The following GCSAML variants were observed in gnomAD, a reference collection of about 807,000 sequenced individuals.
The protein encoded by GCSAML is germinal center associated signaling and motility like, also known as germinal center-associated signaling and motility-like protein.
Under a neutral mutation model 13.0 loss-of-function variants are expected in GCSAML, and 9 were observed. That is an observed-to-expected ratio of 0.69 (90% CI 0.42 to 1.21). The LOEUF (loss-of-function observed/expected upper bound fraction) is 1.21. Among genes scored for constraint, GCSAML ranks in the 50% most tolerant of loss-of-function variants. The pLI is 0.00. For missense variants in GCSAML, 143 were observed against 153.4 expected (o/e 0.93, Z 0.36); for synonymous variants, 37 against 52.9 (o/e 0.70, Z 1.31).
At chr1:247,571,458 A>T (rs1284265445) in intron 4 of GCSAML, among the ~76,000 whole-genome samples, 1 of 152,136 alleles carries the variant, frequency 6.6e-6, no homozygotes, top group East Asian at 1.9e-4. Flanking sequence ...TTCACTTATG[A>T]AGCTTAGTTT....
chr1:247,565,272 C>T (rs1477625666), intron 3 of GCSAML, among the ~76,000 whole-genome samples: 2 of 151,802 alleles, frequency 1.3e-5, no homozygotes, highest in African/African-American at 2.4e-5. Flanking sequence ...GCAGGAGAAT[C>T]GCTTGAACCC....
chr1:247,544,788 G>T (rs2103026782), upstream of GCSAML, among the ~76,000 whole-genome samples: 1 of 152,326 alleles, frequency 6.6e-6, no homozygotes, highest in African/African-American at 2.4e-5. Flanking sequence ...CTGGGAGGTT[G>T]AAGCTGCAGT....
At chr1:247,546,650 C>A (rs944579442), upstream of GCSAML, among the ~76,000 whole-genome samples, 1 of 152,040 alleles carries the variant, frequency 6.6e-6, no homozygotes, top group African/African-American at 2.4e-5. Flanking sequence ...TGTGAGCCAC[C>A]GCGCCCGGCT....
intron 2 of GCSAML, chr1:247,531,406 G>T: frequency 2.6e-6 from 2 of 759,208 alleles, no homozygotes; most frequent in East Asian, 2.5e-5. Context: ...TCTGGAAATG[G>T]CATGAGCACA....
intron 2 of GCSAML, chr1:247,532,059 C>G (rs765308778): frequency 7.4e-6 from 12 of 1,614,058 alleles, no homozygotes; most frequent in South Asian, 2.2e-5. Context: ...TCAGACCCCC[C>G]AGCCAGGAGG....
intron 2 of GCSAML, among the ~76,000 whole-genome samples, chr1:247,562,262 A>C (rs1668157991): frequency 6.6e-6 from 1 of 152,150 alleles, no homozygotes; most frequent in Admixed American, 6.5e-5. Flanking sequence ...GCTCCTGGGC[A>C]TGACTTTCTC....
chr1:247,555,588 T>C (rs371855894), intron 1 of GCSAML, among the ~76,000 whole-genome samples: 1 of 152,176 alleles, frequency 6.6e-6, no homozygotes, highest in East Asian at 1.9e-4. Flanking sequence ...TCAGCGTTGG[T>C]TCGAAATGCT....
intron 2 of GCSAML, among the ~76,000 whole-genome samples, chr1:247,559,033 C>T (rs1219659511): frequency 6.6e-6 from 1 of 152,098 alleles, no homozygotes; most frequent in Non-Finnish European, 1.5e-5. Flanking sequence ...GCAAAATAGC[C>T]TTAAAATACT....
intron 1 of GCSAML, among the ~76,000 whole-genome samples, chr1:247,515,686 A>G (rs552309961): frequency 6.6e-6 from 1 of 152,306 alleles, no homozygotes; most frequent in Admixed American, 6.5e-5. Context: ...ACCATGGTGG[A>G]GCAGGAGCCT....
At chr1:247,561,911 G>A (rs867592461) in intron 2 of GCSAML, among the ~76,000 whole-genome samples, 3 of 152,106 alleles carry the variant, frequency 2.0e-5, no homozygotes, top group Non-Finnish European at 2.9e-5. Flanking sequence ...ACATCCACAC[G>A]GAGGGTTGCA....
Position 247,549,174 on chromosome 1 carries a change from C to G in GCSAML, c.-18C>G, listed in dbSNP as rs1333383904. 6.2e-7 allele frequency: 1 copy of G among 1,614,008 alleles called. No homozygotes were observed. The highest frequency in any genetic ancestry group is 8.5e-7 in the Non-Finnish European group (1 of 1,180,006). ...GGAGTGAAACTCAGGAGCTGAGAAA[C>G]CGAGTCACTGTGAAAAGATGGGAAA... is the stretch of plus-strand genomic sequence containing the variant. On this transcript the variant is annotated 5_prime_UTR_variant, in exon 1 of 5. Coordinates refer to ENST00000366488, the MANE Select transcript of GCSAML (RefSeq NM_145278.5).
chr1:247,549,075 C>G (rs771423966), upstream of GCSAML: 3 of 1,606,524 alleles, frequency 1.9e-6, 1 homozygote, highest in South Asian at 2.2e-5. Flanking sequence ...GGCAAGAGCA[C>G]GAACCCGTGG....
At chr1:247,563,406 A>G (rs1032920986) in intron 2 of GCSAML, among the ~76,000 whole-genome samples, 184 bp from the exon 3 acceptor site, 2 of 152,060 alleles carry the variant, frequency 1.3e-5, no homozygotes, top group Non-Finnish European at 2.9e-5. Flanking sequence ...TCCACTTTTC[A>G]TTGTCTAGAT....
upstream of GCSAML, among the ~76,000 whole-genome samples, chr1:247,547,579 T>C (rs1667624760): frequency 6.6e-6 from 1 of 152,228 alleles, no homozygotes; most frequent in African/African-American, 2.4e-5. Context: ...CTCTCAAATT[T>C]TAGTAGGGAA....
chr1:247,519,092 CAAA>C (rs1024419563), intron 1 of GCSAML: 1 of 152,290 alleles, frequency 6.6e-6, no homozygotes, highest in East Asian at 1.9e-4. Flanking sequence ...AACAAACAAA[CAAA>C]AAGCGGCAGG....
intron 4 of GCSAML, among the ~76,000 whole-genome samples, chr1:247,567,191 G>T (rs149685951): frequency 1.3e-5 from 2 of 151,184 alleles, no homozygotes; most frequent in Non-Finnish European, 2.9e-5. Flanking sequence ...TTAAGTTCTG[G>T]GATACATGTG....
chr1:247,541,120 G>T (rs888574998), intron 2 of GCSAML, among the ~76,000 whole-genome samples: 2 of 151,920 alleles, frequency 1.3e-5, no homozygotes, highest in Non-Finnish European at 2.9e-5. Flanking sequence ...TCATAGTTTT[G>T]TCTAAACCTA....
At chr1:247,564,059 G>A (rs1298330995) in intron 3 of GCSAML, among the ~76,000 whole-genome samples, 1 of 151,796 alleles carries the variant, frequency 6.6e-6, no homozygotes, top group Non-Finnish European at 1.5e-5. Context: ...TCAGCCTCCT[G>A]AGTAGCAGGG....
At position 247,526,811 on chromosome 1, in the gene GCSAML, C is replaced by T. The variant is rs1054888112; in HGVS notation, c.-262-129C>T. ...TCTGACATATTCGGCTGAAAAGGGA[C>T]CTGGCATCGAAAGACAAGTGGTGTC... is the stretch of plus-strand genomic sequence containing the variant. On this transcript the variant is annotated intron_variant, in intron 1 of 5. Coordinates refer to the GCSAML transcript ENST00000366489. The surrounding 1 kb of genome is among the most constrained non-coding windows in gnomAD (Gnocchi z 4.8). 1 of 361,352 alleles carries T rather than the reference C, an allele frequency of 2.8e-6. No individual in the cohort carries two copies. Among genetic ancestry groups the T allele is most frequent in the Non-Finnish European group, 5.4e-6 (1 of 185,156 alleles). The allele number at this position is 361,352 out of a possible 1,614,324, so 22.4% of individuals were successfully genotyped here. A position where few individuals can be genotyped will look rare whatever the true frequency, so the allele number is the denominator to read the frequency against.
Sources: gnomAD v4.1 joint callset for allele counts (sites outside exome capture counted in the v4.1 genomes callset) on GRCh38, gnomAD v4.1.1 for gene constraint, Gnocchi (gnomAD v3.1) non-coding constraint, MANE v1.5 for transcripts, NCBI Gene and HGNC (gene_info 2026-07-23, HGNC 2026-07-21) for gene names.